The following RHAG variants were observed in gnomAD, a reference collection of about 807,000 sequenced individuals.
The protein encoded by RHAG is Rh associated glycoprotein, also known as ammonium transporter Rh type A.
RHAG carries 25 observed loss-of-function variants against 42.4 expected under a neutral mutation model. The ratio of observed to expected loss-of-function variants is 0.59; its 90% confidence interval spans 0.43 to 0.82. The LOEUF is 0.82. Among genes scored for constraint, RHAG ranks in the 40% least tolerant of loss-of-function variants. The pLI, the probability that RHAG is intolerant of heterozygous loss-of-function variation, is 0.00. For synonymous variants in RHAG, 182 were observed against 177.7 expected (o/e 1.02, Z -0.19); for missense variants, 483 against 504.6 (o/e 0.96, Z 0.41).
At chr6:49,620,005 GA>G (rs1383678381) in intron 1 of RHAG, among the ~76,000 whole-genome samples, 6 of 152,174 alleles carry the variant, frequency 3.9e-5, no homozygotes, top group Non-Finnish European at 7.4e-5. Flanking sequence ...CACCAGCCAC[GA>G]AAATCTTACC....
intron 7 of RHAG, 70 bp downstream of exon 7, chr6:49,610,954 C>T: frequency 6.3e-7 from 1 of 1,591,222 alleles, no homozygotes; most frequent in Non-Finnish European, 8.6e-7. Flanking sequence ...AATGAAAACT[C>T]TCCCATTTCT....
Position 49,619,257 on chromosome 6 carries a change from G to A in RHAG, c.263C>T (p.Ala88Val). 2 of 1,614,098 alleles carry A rather than the reference G, an allele frequency of 1.2e-6. No homozygotes were observed. Among genetic ancestry groups the A allele is most frequent in the Admixed American group, 1.7e-5 (1 of 60,028 alleles). The change falls in exon 2 of 10, where the codon GCT becomes GTT. Residue 88 changes from alanine (A) to valine (V), a missense_variant. Coordinates refer to ENST00000371175, the MANE Select transcript of RHAG (RefSeq NM_000324.3). ...AATAGTGCCCCACTGGAGGCCCAAA[G>A]CAGCAACGAGTAGGTTGATACCCAC... ...SSVGINLLVA[A>V]LGLQWGTIVQ...
chr6:49,621,462 T>C (rs1762758522), intron 1 of RHAG, among the ~76,000 whole-genome samples: 1 of 152,152 alleles, frequency 6.6e-6, no homozygotes, highest in African/African-American at 2.4e-5. Context: ...GCCTTCTCCT[T>C]CTCTGCCCAA....
intron 1 of RHAG, among the ~76,000 whole-genome samples, chr6:49,626,763 C>T (rs1487307683): frequency 6.6e-6 from 1 of 152,264 alleles, no homozygotes; most frequent in African/African-American, 2.4e-5. Context: ...AAGTTTCTAT[C>T]TGGATATCCA....
chr6:49,606,815 G>C, intron 9 of RHAG, 33 bp downstream of exon 9: 1 of 1,392,662 alleles, frequency 7.2e-7, no homozygotes, highest in Non-Finnish European at 1.0e-6. Flanking sequence ...TGGAGTCATC[G>C]TTCACATTCT....
chr6:49,619,229 T>C lies in RHAG; in HGVS notation c.291A>G (p.Val97=). ...AALGLQWGTI[V]QGILQSQGQK... ...GTCCCTGGCTTTGCAGGATTCCCTG[T>C]ACAATAGTGCCCCACTGGAGGCCCA... The change falls in exon 2 of 10, where the codon GTA becomes GTG. Residue 97 remains valine, a synonymous_variant. Coordinates refer to ENST00000371175, the MANE Select transcript of RHAG (RefSeq NM_000324.3). 2.5e-6 allele frequency: 4 copies of C among 1,614,066 alleles called. No homozygotes were observed. The South Asian group carries it at 3.3e-5, about 13-fold the overall frequency.
intron 1 of RHAG, among the ~76,000 whole-genome samples, chr6:49,628,612 C>T (rs950556424): frequency 4.0e-5 from 6 of 151,706 alleles, no homozygotes; most frequent in Admixed American, 1.3e-4. Flanking sequence ...TGCAGACCTT[C>T]GCGGTGAGTA....
chr6:49,631,790 T>C (rs1267826852), intron 1 of RHAG: 2 of 152,242 alleles, frequency 1.3e-5, no homozygotes, highest in Non-Finnish European at 2.9e-5. Context: ...TAGAGACTAG[T>C]ATCTTATTGT....
intron 7 of RHAG, among the ~76,000 whole-genome samples, chr6:49,608,377 G>A (rs761331526): frequency 5.9e-5 from 9 of 152,078 alleles, no homozygotes; most frequent in Non-Finnish European, 8.8e-5. Context: ...TTAGTAAAAG[G>A]CTACATATAC....
chr6:49,615,365 A>AT (rs1762637176), intron 4 of RHAG: 1 of 334,698 alleles, frequency 3.0e-6, no homozygotes, highest in South Asian at 4.4e-5. Context: ...AAAGATGCTC[A>AT]TTTTTTCAAA....
rs545209548 is a variant in RHAG at position 49,608,592 on chromosome 6, G to A, written c.1068-1372C>T. ...GGGTTTCACCATATTGGCCAGGCTG[G>A]TCTCAAACTCCTGACCTCAGATGAT... On this transcript the variant is annotated intron_variant, in intron 7 of 9. Coordinates refer to ENST00000371175, the MANE Select transcript of RHAG (RefSeq NM_000324.3). Among the ~76,000 whole-genome samples the A allele has an allele frequency of 2.5e-4, 38 of 152,214 alleles. No individual in the cohort carries two copies. The South Asian group carries it at 6.4e-3, about 26-fold the overall frequency.
chr6:49,623,955 A>T (rs1181596935), intron 1 of RHAG, among the ~76,000 whole-genome samples: 1 of 152,140 alleles, frequency 6.6e-6, no homozygotes, highest in Non-Finnish European at 1.5e-5. Flanking sequence ...CGGGGAGGGA[A>T]CCAGGTGCCT....
At chr6:49,635,692 T>C (rs189973923) in intron 1 of RHAG, among the ~76,000 whole-genome samples, 19 of 152,246 alleles carry the variant, frequency 1.2e-4, no homozygotes, top group African/African-American at 4.3e-4. Flanking sequence ...CTATGTCACT[T>C]AGCAACTCTA....
At chr6:49,620,005 G>T (rs1028596003) in intron 1 of RHAG, among the ~76,000 whole-genome samples, 1 of 152,174 alleles carries the variant, frequency 6.6e-6, no homozygotes, top group Non-Finnish European at 1.5e-5. Context: ...CACCAGCCAC[G>T]AAAATCTTAC....
intron 3 of RHAG, 61 bp from the exon 4 acceptor site, chr6:49,615,832 A>G: frequency 1.3e-6 from 2 of 1,494,692 alleles, no homozygotes; most frequent in Non-Finnish European, 9.3e-7. Flanking sequence ...TTATGGGAGG[A>G]AAGTCAATGA....
Position 49,636,660 on chromosome 6 carries a change from A to T in RHAG, c.153T>A (p.Tyr51Ter). Residue 51 changes from tyrosine to a stop codon, truncating the protein, a stop_gained, in exon 1 of 10, where the codon TAT becomes TAA. Transcript: ENST00000371175. LOFTEE classifies it high-confidence loss of function. ...PTDMGIFFEL[Y>*]PLFQDVHVMI... ...AGTAGTAAATTGCCTACTCACGAGGATATAACTCAAAGAATATGCCCATGT... is the reference window on the plus strand; with the variant it reads ...AGTAGTAAATTGCCTACTCACGAGGTTATAACTCAAAGAATATGCCCATGT... The T allele has an allele frequency of 6.2e-7, 1 of 1,613,932 alleles. No homozygotes were observed. The highest frequency in any genetic ancestry group is 8.5e-7 in the Non-Finnish European group (1 of 1,179,768).
At position 49,605,534 on chromosome 6, in the gene RHAG, C is replaced by G; in HGVS notation, c.*279G>C. Reference sequence around the variant, plus strand: ...TCACTGCCAAAAGCTTTTTGGGAATCCTGGAGAAGATCTATTTGATTATCT... The same window carrying G: ...TCACTGCCAAAAGCTTTTTGGGAATGCTGGAGAAGATCTATTTGATTATCT... On this transcript the variant is annotated 3_prime_UTR_variant, in exon 10 of 10. Coordinates refer to ENST00000371175, the MANE Select transcript of RHAG (RefSeq NM_000324.3). The G allele has an allele frequency of 2.0e-6, 1 of 504,744 alleles. No homozygotes were observed. The highest frequency in any genetic ancestry group is 2.1e-5 in the South Asian group (1 of 47,166). 31.3% of individuals were successfully genotyped at this position (504,744 alleles called of 1,614,324 possible). A position where few individuals can be genotyped will look rare whatever the true frequency, so the allele number is the denominator to read the frequency against.
intron 9 of RHAG, 47 bp from the exon 10 acceptor site, chr6:49,605,877 T>C (rs1774153841): frequency 6.6e-7 from 1 of 1,507,034 alleles, no homozygotes; most frequent in African/African-American, 1.4e-5. Flanking sequence ...ATTTCACTGT[T>C]CTTGTCAGAA....
chr6:49,609,763 G>C (rs1235857669), intron 7 of RHAG, among the ~76,000 whole-genome samples: 1 of 152,112 alleles, frequency 6.6e-6, no homozygotes, highest in Non-Finnish European at 1.5e-5. Flanking sequence ...TAAAACTGAA[G>C]ATAAGATTTT....
Sources: gnomAD v4.1 joint callset for allele counts (sites outside exome capture counted in the v4.1 genomes callset) on GRCh38, gnomAD v4.1.1 for gene constraint, MANE v1.5 for transcripts, NCBI Gene and HGNC (gene_info 2026-07-23, HGNC 2026-07-21) for gene names.